The following ACTN2 variants were observed in gnomAD, a reference collection of about 807,000 sequenced individuals.
ACTN2 encodes the protein actinin alpha 2.
A neutral mutation model predicts 113.8 loss-of-function variants in ACTN2; 39 were observed. The ratio of observed to expected loss-of-function variants is 0.34; its 90% CI spans 0.27 to 0.45. ACTN2 has a LOEUF of 0.45. Among genes scored for constraint, ACTN2 ranks in the 20% least tolerant of loss-of-function variants. ACTN2 has a pLI of 1.00. For missense variants in ACTN2, 992 were observed against 1,177.9 expected, an observed-to-expected ratio of 0.84 and a Z score of 2.31; for synonymous variants, 429 against 444.1, an observed-to-expected ratio of 0.97 and a Z score of 0.43.
chr1:236,736,790 C>T (rs1658890987), intron 8 of ACTN2: 1 of 682,108 alleles, frequency 1.5e-6, no homozygotes, highest in Admixed American at 2.8e-5. Flanking sequence ...CATTCAGGGA[C>T]CCAAGATCTT....
intron 14 of ACTN2, among the ~76,000 whole-genome samples, chr1:236,749,955 T>C (rs1318304804): frequency 6.6e-6 from 1 of 152,184 alleles, no homozygotes; most frequent in East Asian, 1.9e-4. Context: ...ATATTACTGT[T>C]TATTTAGATC....
intron 19 of ACTN2, 82 bp from the exon 20 acceptor site, chr1:236,760,933 T>C (rs1186533460): frequency 3.8e-6 from 6 of 1,558,476 alleles, no homozygotes; most frequent in South Asian, 1.1e-5. Flanking sequence ...GGAATTGGCA[T>C]GTCACCAGGG....
chr1:236,691,675 A>G (rs1221857758), intron 1 of ACTN2, among the ~76,000 whole-genome samples: 2 of 152,130 alleles, frequency 1.3e-5, no homozygotes, highest in East Asian at 1.9e-4. Context: ...GTGTAGTATA[A>G]TAAGTGTTTA....
Position 236,754,148 on chromosome 1 carries a change from T to G in ACTN2, c.1974+67T>G. The G allele has an allele frequency of 6.3e-7, 1 of 1,592,884 alleles. No homozygotes were observed. The highest frequency in any genetic ancestry group is 1.1e-5 in the South Asian group (1 of 90,740). On this transcript the variant is annotated intron_variant, in intron 16 of 20. Coordinates refer to ENST00000366578, the MANE Select transcript of ACTN2 (RefSeq NM_001103.4). The surrounding 1 kb of genome is among the most constrained non-coding windows in gnomAD (Gnocchi z 4.9). ...ATAAGTCCCTTTAGCCACGCAGCAG[T>G]GACACCGCACATGCTGTGGTTTCCA...
At position 236,731,211 on chromosome 1, in the gene ACTN2, G is replaced by T. The variant is rs565935053; in HGVS notation, c.616-22G>T. The T allele has an allele frequency of 4.4e-6, 7 of 1,579,772 alleles. No homozygotes were observed. In the South Asian group the frequency reaches 7.8e-5, roughly 18 times the overall value. On this transcript the variant is annotated intron_variant, in intron 6 of 20. Transcript: ENST00000366578. Reference sequence around the variant, plus strand: ...GTTTCAAAATATATTTTAAAAATCTGACTGTCTTGGTTTTCATACAGGATG... The same window carrying T: ...GTTTCAAAATATATTTTAAAAATCTTACTGTCTTGGTTTTCATACAGGATG...
At chr1:236,761,532 G>A (rs1019856743) in intron 20 of ACTN2, among the ~76,000 whole-genome samples, 1 of 152,064 alleles carries the variant, frequency 6.6e-6, no homozygotes, top group Admixed American at 6.6e-5. Flanking sequence ...AAGAAACTAT[G>A]CAATTTAGAT....
intron 6 of ACTN2, 39 bp downstream of exon 6, chr1:236,727,795 C>T (rs777504290): frequency 6.9e-6 from 11 of 1,592,722 alleles, no homozygotes; most frequent in East Asian, 4.5e-5. Flanking sequence ...TCCCCAGCCA[C>T]GCGTCTCAGC....
chr1:236,704,302 C>T (rs985960870), intron 1 of ACTN2, among the ~76,000 whole-genome samples: 1 of 152,160 alleles, frequency 6.6e-6, no homozygotes, highest in Non-Finnish European at 1.5e-5. Flanking sequence ...ACAGTCAACC[C>T]AGAAGACTTC....
intron 12 of ACTN2, among the ~76,000 whole-genome samples, chr1:236,746,583 G>C (rs1372462397): frequency 6.6e-6 from 1 of 151,990 alleles, no homozygotes; most frequent in Non-Finnish European, 1.5e-5. Context: ...GCACATGCCT[G>C]TAGTCCCAGC....
At chr1:236,691,448 G>T (rs1282601792) in intron 1 of ACTN2, among the ~76,000 whole-genome samples, 1 of 151,618 alleles carries the variant, frequency 6.6e-6, no homozygotes, top group Non-Finnish European at 1.5e-5. Context: ...TTTGAGACTG[G>T]CCTGGGCAAC....
At chr1:236,757,676 A>C in intron 18 of ACTN2, 44 bp downstream of exon 18, 2 of 1,611,188 alleles carry the variant, frequency 1.2e-6, no homozygotes, top group Non-Finnish European at 8.5e-7. Flanking sequence ...GGGGACATTA[A>C]ACAATGTATC....
chr1:236,739,560 G>A, intron 10 of ACTN2, 28 bp downstream of exon 10: 2 of 1,611,348 alleles, frequency 1.2e-6, no homozygotes, highest in Non-Finnish European at 1.7e-6. Flanking sequence ...AGCCCTCCTG[G>A]CGCCACGGGA....
intron 1 of ACTN2, among the ~76,000 whole-genome samples, chr1:236,709,165 TCTC>T (rs1244315664): frequency 6.9e-6 from 1 of 144,808 alleles, no homozygotes; most frequent in East Asian, 2.0e-4. Flanking sequence ...GCCTCTTTCT[TCTC>T]CTCTCAATAA....
At chr1:236,724,507 C>T (rs575996908) in intron 4 of ACTN2, among the ~76,000 whole-genome samples, 108 of 152,272 alleles carry the variant, frequency 7.1e-4, no homozygotes, top group African/African-American at 2.6e-3. Flanking sequence ...ACACCTGGGC[C>T]GAGAAGAGGA....
intron 1 of ACTN2, among the ~76,000 whole-genome samples, chr1:236,694,475 G>A (rs1371412032): frequency 2.0e-5 from 3 of 151,598 alleles, no homozygotes; most frequent in Admixed American, 6.6e-5. Flanking sequence ...CACCCGCCTC[G>A]ACCTCACAAA....
rs78521414 is a variant in ACTN2 at position 236,691,704 on chromosome 1, C to T, written c.126+4905C>T. On this transcript the variant is annotated intron_variant, in intron 1 of 20. Transcript: ENST00000366578. Reference sequence around the variant, plus strand: ...GTGTTTACCTTTGACACTATCAAAGCCCTTTTACATCCCTTCACTCACCCT... The same window carrying T: ...GTGTTTACCTTTGACACTATCAAAGTCCTTTTACATCCCTTCACTCACCCT... 4.7e-4 allele frequency among the ~76,000 whole-genome samples: 72 copies of T among 152,236 alleles called. No homozygotes were observed. The East Asian group carries it at 0.014, about 29-fold the overall frequency.
intron 1 of ACTN2, among the ~76,000 whole-genome samples, chr1:236,702,753 C>T (rs1464823926): frequency 1.3e-5 from 2 of 152,136 alleles, no homozygotes; most frequent in Non-Finnish European, 2.9e-5. Flanking sequence ...TCAGAGTTTT[C>T]CCCATATGTA....
At chr1:236,708,843 C>T (rs1030435366) in intron 1 of ACTN2, among the ~76,000 whole-genome samples, 3 of 152,106 alleles carry the variant, frequency 2.0e-5, no homozygotes, top group East Asian at 1.9e-4. Flanking sequence ...AAGGGTAAAA[C>T]GGAAATTGCA....
At chr1:236,709,280 G>GTA (rs1197127072) in intron 1 of ACTN2, among the ~76,000 whole-genome samples, 1 of 62,074 alleles carries the variant, frequency 1.6e-5, no homozygotes, top group African/African-American at 5.7e-5. Context: ...ACATATATAT[G>GTA]TATATATATG....
Sources: gnomAD v4.1 joint callset for allele counts (sites outside exome capture counted in the v4.1 genomes callset) on GRCh38, gnomAD v4.1.1 for gene constraint, Gnocchi (gnomAD v3.1) non-coding constraint, MANE v1.5 for transcripts, NCBI Gene and HGNC (gene_info 2026-07-23, HGNC 2026-07-21) for gene names.